Variants in DNAJA2 observed in about 807,000 individuals in gnomAD.
The protein encoded by DNAJA2 is dnaJ homolog subfamily A member 2.
Under a neutral mutation model 49.3 loss-of-function variants are expected in DNAJA2, and 6 were observed. The ratio of observed to expected loss-of-function variants is 0.12; its 90% confidence interval spans 0.07 to 0.24. DNAJA2 has a LOEUF of 0.24. DNAJA2 is among the 10% of genes least tolerant of loss of function. The pLI is 1.00. For synonymous variants in DNAJA2, 160 were observed against 172.7 expected, an observed-to-expected ratio of 0.93 and a Z score of 0.58; for missense variants, 347 against 516.8, an observed-to-expected ratio of 0.67 and a Z score of 3.19.
Position 46,971,586 on chromosome 16 carries a change from G to GTAAAAA in DNAJA2, c.139-20_139-15dup. ...TATTTCTTTAAACTATAAAGAAAAGGTAAAAATAAAAATAATTGCATTTTC... is the reference window on the plus strand; with the variant it reads ...TATTTCTTTAAACTATAAAGAAAAGGTAAAAATAAAAATAAAAATAATTGCATTTTC... On this transcript the variant is annotated splice_polypyrimidine_tract_variant and intron_variant, in intron 2 of 8. Transcript: ENST00000317089. 3 of 1,383,842 alleles carry GTAAAAA rather than the reference G, an allele frequency of 2.2e-6. No homozygotes were observed. Among genetic ancestry groups the GTAAAAA allele is most frequent in the Non-Finnish European group, 1.9e-6 (2 of 1,051,230 alleles). 85.7% of individuals were successfully genotyped at this position (1,383,842 alleles called of 1,614,324 possible).
rs745927844 is a variant in DNAJA2 at position 46,967,590 on chromosome 16, A to C, written c.500T>G (p.Val167Gly). Residue 167 changes from valine (V) to glycine (G), a missense_variant, in exon 5 of 9, where the codon GTG (valine) becomes GGG (glycine). Physicochemically the swap from Val to Gly is moderately radical, Grantham distance 109. Coordinates refer to ENST00000317089, the MANE Select transcript of DNAJA2 (RefSeq NM_005880.4). ...AGCCAGCTGTCTGATCATGATGCGC[A>C]CACCTCGACCTCGACAAGCACTACA... ...QKCSACRGRGVRIMIRQLAPG... is the reference protein window; with the variant it reads ...QKCSACRGRGGRIMIRQLAPG... 6.2e-7 allele frequency: 1 copy of C among 1,614,144 alleles called. No homozygotes were observed. Among genetic ancestry groups the C allele is most frequent in the Non-Finnish European group, 8.5e-7 (1 of 1,180,038 alleles).
At position 46,957,101 on chromosome 16, in the gene DNAJA2, T is replaced by C. The variant is rs759151550; in HGVS notation, c.1167A>G (p.Glu389=). ...TRGSGGGQRR[E]AYNDSSDEES... is the part of the protein sequence containing the mutation. ...CTTCATCAGAGCTATCATTATAGGCTTCACGCCTCTGACCACCTCCTGAGC... is the reference window on the plus strand; with the variant it reads ...CTTCATCAGAGCTATCATTATAGGCCTCACGCCTCTGACCACCTCCTGAGC... The change falls in exon 9 of 9, where the codon GAA becomes GAG. Residue 389 remains glutamate, a synonymous_variant. Transcript: ENST00000317089. The C allele has an allele frequency of 6.2e-7, 1 of 1,614,176 alleles. No individual in the cohort carries two copies. The highest frequency in any genetic ancestry group is 1.1e-5 in the South Asian group (1 of 91,084).
chr16:46,961,063 T>C (rs960588395), intron 6 of DNAJA2, among the ~76,000 whole-genome samples: 4 of 152,044 alleles, frequency 2.6e-5, no homozygotes, highest in Non-Finnish European at 5.9e-5. Context: ...AAAATGCCAG[T>C]GTTCTAAGAA....
Position 46,957,071 on chromosome 16 carries a change from G to A in DNAJA2, c.1197C>T (p.Ser399=). ...EAYNDSSDEE[S]SSHHGPGVQC... is the part of the protein sequence containing the mutation. ...GCACTCCAGGTCCATGATGGCTGCT[G>A]CTTTCTTCATCAGAGCTATCATTAT... Residue 399 remains serine (S), a synonymous_variant, in exon 9 of 9, where the codon AGC becomes AGT. Coordinates refer to ENST00000317089, the MANE Select transcript of DNAJA2 (RefSeq NM_005880.4). The A allele has an allele frequency of 1.2e-6, 2 of 1,614,052 alleles. No individual in the cohort carries two copies. The highest frequency in any genetic ancestry group is 1.7e-5 in the Admixed American group (1 of 60,022).
chr16:46,973,116 GC>G (rs1962080866), intron 1 of DNAJA2, among the ~76,000 whole-genome samples: 2 of 152,156 alleles, frequency 1.3e-5, no homozygotes, highest in Admixed American at 6.5e-5. Flanking sequence ...GATGCGCTGA[GC>G]ACCTCGGTCC....
chr16:46,970,730 CA>C (rs10523905), intron 3 of DNAJA2, among the ~76,000 whole-genome samples: 461 of 32,164 alleles, frequency 0.014, 1 homozygote, highest in African/African-American at 0.043. Context: ...GACTCCATTT[CA>C]AAAAAAAAAA....
intron 6 of DNAJA2, among the ~76,000 whole-genome samples, chr16:46,964,264 C>T (rs545607324): frequency 6.6e-6 from 1 of 151,812 alleles, no homozygotes; most frequent in African/African-American, 2.4e-5. Context: ...CCCAACTACT[C>T]GGGAGGCTGA....
intron 6 of DNAJA2, among the ~76,000 whole-genome samples, chr16:46,963,685 G>C (rs1961929864): frequency 6.6e-6 from 1 of 152,004 alleles, no homozygotes; most frequent in South Asian, 2.1e-4. Flanking sequence ...GGGCGACAGA[G>C]CAAGACCATC....
At chr16:46,972,108 C>G (rs554224670) in intron 1 of DNAJA2, 153 bp from the exon 2 acceptor site, 7 of 626,448 alleles carry the variant, frequency 1.1e-5, no homozygotes, top group South Asian at 1.9e-5. Flanking sequence ...GGCACTTTCT[C>G]GCGATACTGT....
chr16:46,973,348 C>A (rs1353234419), intron 1 of DNAJA2, 147 bp downstream of exon 1: 6 of 594,654 alleles, frequency 1.0e-5, no homozygotes, highest in Non-Finnish European at 1.4e-5. Flanking sequence ...CGAGGCCGGT[C>A]CCGCCGCCGC....
At chr16:46,959,649 A>G in intron 6 of DNAJA2, 1 of 458,498 alleles carries the variant, frequency 2.2e-6, no homozygotes, top group South Asian at 3.3e-5. Context: ...ACAATGGCAT[A>G]TATAAGAGCA....
At position 46,966,978 on chromosome 16, in the gene DNAJA2, T is replaced by C. The variant is rs144537102; in HGVS notation, c.577+535A>G. Among the ~76,000 whole-genome samples the C allele has an allele frequency of 4.4e-4, 67 of 152,346 alleles. No individual in the cohort carries two copies. The East Asian group carries it at 0.013, about 28-fold the overall frequency. On this transcript the variant is annotated intron_variant, in intron 5 of 8. Coordinates refer to ENST00000317089, the MANE Select transcript of DNAJA2 (RefSeq NM_005880.4). Reference sequence around the variant, plus strand: ...ATAGCAAAGGGACAAATAATCACCTTGCTCCTCTTTTCTGAATTAAAAAGA... The same window carrying C: ...ATAGCAAAGGGACAAATAATCACCTCGCTCCTCTTTTCTGAATTAAAAAGA...
chr16:46,968,106 C>T lies in DNAJA2; in HGVS notation c.421G>A (p.Val141Met). 1 of 1,609,618 alleles carries T rather than the reference C, an allele frequency of 6.2e-7. No individual in the cohort carries two copies. Among genetic ancestry groups the T allele is most frequent in the Non-Finnish European group, 8.5e-7 (1 of 1,178,628 alleles). Residue 141 changes from valine (V) to methionine (M), a missense_variant, in exon 4 of 9, where the codon GTG becomes ATG. Physicochemically the swap from Val to Met is conservative, Grantham distance 21 (BLOSUM62 1). Coordinates refer to ENST00000317089, the MANE Select transcript of DNAJA2 (RefSeq NM_005880.4). ...KTTKLQLSKNVLCSACSGQGG... is the reference protein window; with the variant it reads ...KTTKLQLSKNMLCSACSGQGG... ...TACCCACTGCATGCACTACAGAGCA[C>T]ATTCTTGCTAAGTTGTAGTTTGGTT...
chr16:46,959,235 A>G, intron 7 of DNAJA2, 40 bp downstream of exon 7: 1 of 1,581,850 alleles, frequency 6.3e-7, no homozygotes, highest in Admixed American at 1.9e-5. Flanking sequence ...TTTTTTTCAA[A>G]AATACTTGAA....
In DNAJA2 at chr16:46,955,987, C is replaced by A. The variant is rs1223414716; in HGVS notation, c.*1042G>T. The stretch of plus-strand genomic sequence containing the variant: ...CATTACAGAAACTCAAAATAATAAT[C>A]AATGGCTTCTCCAATTCCAAATATT... On this transcript the variant is annotated 3_prime_UTR_variant, in exon 9 of 9. Coordinates refer to ENST00000317089, the MANE Select transcript of DNAJA2 (RefSeq NM_005880.4). 1 of 152,170 alleles carries A rather than the reference C, an allele frequency of 6.6e-6. No homozygotes were observed. The highest frequency in any genetic ancestry group is 1.5e-5 in the Non-Finnish European group (1 of 68,036). 9.4% of individuals were successfully genotyped at this position (152,170 alleles called of 1,614,324 possible). A position where few individuals can be genotyped will look rare whatever the true frequency, so the allele number is the denominator to read the frequency against.
chr16:46,957,281 T>A, intron 8 of DNAJA2, 61 bp from the exon 9 acceptor site: 1 of 1,430,402 alleles, frequency 7.0e-7, no homozygotes, highest in Non-Finnish European at 9.4e-7. Context: ...TTCCTTTTGA[T>A]ACATAGAATC....
chr16:46,971,790 G>T, intron 2 of DNAJA2, 106 bp downstream of exon 2: 1 of 1,052,930 alleles, frequency 9.5e-7, no homozygotes, highest in Non-Finnish European at 1.5e-6. Flanking sequence ...AAATGTGGCT[G>T]TGTGGGCATA....
Position 46,967,638 on chromosome 16 carries a change from C to G in DNAJA2, c.452G>C (p.Gly151Ala). Residue 151 changes from glycine (G) to alanine (A), a missense_variant, in exon 5 of 9, where the codon GGA becomes GCA. Physicochemically the swap from Gly to Ala is moderately conservative, Grantham distance 60. Transcript: ENST00000317089. ...VLCSACSGQG[G>A]KSGAVQKCSA... The stretch of plus-strand genomic sequence containing the variant: ...ACACTTTTGGACAGCTCCAGACTTT[C>G]CGCCTTGGCTAAAGCAAGCACAAGT... The G allele has an allele frequency of 6.2e-7, 1 of 1,614,184 alleles. No individual in the cohort carries two copies. The highest frequency in any genetic ancestry group is 1.1e-5 in the South Asian group (1 of 91,078).
chr16:46,957,192 G>C lies in DNAJA2; in HGVS notation c.1076C>G (p.Pro359Arg), dbSNP rs749578018. 3 of 1,608,840 alleles carry C rather than the reference G, an allele frequency of 1.9e-6. No individual in the cohort carries two copies. Among genetic ancestry groups the C allele is most frequent in the Non-Finnish European group, 2.5e-6 (3 of 1,177,728 alleles). The change falls in exon 9 of 9, where the codon CCG (proline) becomes CGG (arginine). Residue 359 changes from proline (P) to arginine (R), a missense_variant. Coordinates refer to ENST00000317089, the MANE Select transcript of DNAJA2 (RefSeq NM_005880.4). ...SELEDLLPSR[P>R]EVPNIIGETE... ...TTCTCCAATTATGTTAGGAACTTCC[G>C]GTCTAGATGGCAGAAGATCTTCTAG...
Sources: allele counts gnomAD v4.1 joint callset (sites outside exome capture counted in the v4.1 genomes callset), GRCh38; gene constraint gnomAD v4.1.1; transcripts MANE v1.5; gene names NCBI Gene and HGNC (gene_info 2026-07-23, HGNC 2026-07-21).